MTR: variants seen among roughly 807,000 people sequenced by gnomAD.
The protein encoded by MTR is methionine synthase.
In MTR, 84 loss-of-function variants were observed where a neutral mutation model predicts 154.8. The observed-to-expected ratio is 0.54, with a 90% CI of 0.45 to 0.65. The LOEUF (loss-of-function observed/expected upper bound fraction) is 0.65. Ranked by LOEUF, MTR falls within the 30% of genes least tolerant of loss-of-function variation. The pLI is 0.00. For missense variants in MTR, 1,275 were observed against 1,570.2 expected (o/e 0.81, Z 3.18); for synonymous variants, 554 against 553.9 (o/e 1.00, Z 0.00).
chr1:236,853,311 T>C (rs1664027105), intron 18 of MTR, among the ~76,000 whole-genome samples: 1 of 152,228 alleles, frequency 6.6e-6, no homozygotes, highest in Non-Finnish European at 1.5e-5. Context: ...CTTAGGTTTC[T>C]TTAAATTTAT....
At chr1:236,824,938 T>C (rs537426489) in intron 9 of MTR, among the ~76,000 whole-genome samples, 1 of 152,282 alleles carries the variant, frequency 6.6e-6, no homozygotes, top group South Asian at 2.1e-4. Context: ...TGATTTTTGT[T>C]TGTTTTTAAT....
rs146841812 is a variant in MTR, at chr1:236,815,299, C to T, written c.610-305C>T. On this transcript the variant is annotated intron_variant, in intron 6 of 32. Transcript: ENST00000366577. ...TCCTGTCTCAGCCTCCTGAGTGTTACTTATTTATTTTTAATTTTTATTGAA... is the reference window on the plus strand; with the variant it reads ...TCCTGTCTCAGCCTCCTGAGTGTTATTTATTTATTTTTAATTTTTATTGAA... Among the ~76,000 whole-genome samples the T allele has an allele frequency of 1.5e-3, 224 of 152,220 alleles. 1 individual carries two copies. Among genetic ancestry groups the T allele is most frequent in the African/African-American group, 4.8e-3 (201 of 41,544 alleles).
chr1:236,874,913 G>T, intron 24 of MTR, 67 bp downstream of exon 24: 2 of 1,553,082 alleles, frequency 1.3e-6, no homozygotes, highest in East Asian at 4.6e-5. Context: ...TGAAACAGTG[G>T]GAAACCTGTG....
At chr1:236,802,277 AG>A (rs1022674586) in intron 1 of MTR, among the ~76,000 whole-genome samples, 2 of 152,120 alleles carry the variant, frequency 1.3e-5, no homozygotes, top group Non-Finnish European at 2.9e-5. Flanking sequence ...TATTAGATTG[AG>A]GGGCAGGTGG....
chr1:236,897,312 A>ATGCGCGCG (rs1553331097), intron 32 of MTR, among the ~76,000 whole-genome samples, 194 bp downstream of exon 32: 2 of 66,180 alleles, frequency 3.0e-5, no homozygotes, highest in African/African-American at 1.0e-4. Context: ...ACACACACGC[A>ATGCGCGCG]CACACACACA....
chr1:236,832,856 C>A (rs1662691910), intron 13 of MTR, among the ~76,000 whole-genome samples: 1 of 152,122 alleles, frequency 6.6e-6, no homozygotes, highest in Non-Finnish European at 1.5e-5. Context: ...TGATGGCATC[C>A]CTGGAGGCGT....
rs542021938 is a variant in MTR, at chr1:236,853,306, G to T, written c.1953+218G>T. On this transcript the variant is annotated intron_variant, in intron 18 of 32. Transcript: ENST00000366577. ...GGGTGCTTCCGTATTCTGAACTTAG[G>T]TTTCTTTAAATTTATTGTAAAATGT... Among the ~76,000 whole-genome samples, 9 of 152,186 alleles carry T rather than the reference G, an allele frequency of 5.9e-5. No individual in the cohort carries two copies. The East Asian group carries it at 1.4e-3, about 23-fold the overall frequency.
At chr1:236,827,011 A>C in intron 11 of MTR, 115 bp downstream of exon 11, 6 of 915,962 alleles carry the variant, frequency 6.6e-6, no homozygotes, top group Non-Finnish European at 1.0e-5. Flanking sequence ...TGTATGTTGA[A>C]GTTCTAACCC....
intron 1 of MTR, among the ~76,000 whole-genome samples, chr1:236,800,783 G>GTC (rs1324069142): frequency 5.3e-5 from 8 of 152,172 alleles, no homozygotes; most frequent in Non-Finnish European, 1.0e-4. Context: ...AAACACCAAT[G>GTC]TCTCATTTCA....
In MTR at chr1:236,897,171, G is replaced by C. The variant is rs1666670698; in HGVS notation, c.3711+53G>C. ...CTTGCCTAGTTCAAATGAAATTCTA[G>C]AACCTCTCTCATTTTAAATGTGAAT... On this transcript the variant is annotated intron_variant, in intron 32 of 32. Coordinates refer to ENST00000366577, the MANE Select transcript of MTR (RefSeq NM_000254.3). The C allele has an allele frequency of 5.4e-6, 7 of 1,299,782 alleles. No homozygotes were observed. In the Admixed American group the frequency reaches 1.2e-4, roughly 22 times the overall value. The allele number at this position is 1,299,782 out of a possible 1,614,324, so 80.5% of individuals were successfully genotyped here.
intron 5 of MTR, among the ~76,000 whole-genome samples, chr1:236,811,136 A>G (rs1661278703): frequency 1.3e-5 from 2 of 152,198 alleles, no homozygotes; most frequent in African/African-American, 4.8e-5. Context: ...TCTTACACGG[A>G]TGGTAGCAGG....
intron 15 of MTR, among the ~76,000 whole-genome samples, chr1:236,841,461 C>T (rs957504813): frequency 6.6e-6 from 1 of 152,164 alleles, no homozygotes; most frequent in African/African-American, 2.4e-5. Context: ...TCCAATGTAG[C>T]CAGACACATT....
chr1:236,803,542 A>G lies in MTR; in HGVS notation c.149A>G (p.His50Arg), dbSNP rs749273555. ...CAGCGGGAGAAGCTAAACGAAGAACACTTCCGAGGTCAGGAATTTAAAGAT... is the reference window on the plus strand; with the variant it reads ...CAGCGGGAGAAGCTAAACGAAGAACGCTTCCGAGGTCAGGAATTTAAAGAT... ...MIQREKLNEE[H>R]FRGQEFKDHA... Residue 50 changes from histidine to arginine, a missense_variant, in exon 2 of 33, where the codon CAC (histidine) becomes CGC (arginine). Coordinates refer to ENST00000366577, the MANE Select transcript of MTR (RefSeq NM_000254.3). 10 of 1,614,220 alleles carry G rather than the reference A, an allele frequency of 6.2e-6. No individual in the cohort carries two copies. Among genetic ancestry groups the G allele is most frequent in the Non-Finnish European group, 8.5e-6 (10 of 1,180,032 alleles).
rs990730263 is a variant in MTR, at chr1:236,899,803, A to G, written c.*2159A>G. 2.6e-5 allele frequency: 4 copies of G among 152,416 alleles called. No homozygotes were observed. Among genetic ancestry groups the G allele is most frequent in the Non-Finnish European group, 5.9e-5 (4 of 68,166 alleles). 9.4% of individuals were successfully genotyped at this position (152,416 alleles called of 1,614,324 possible). A position where few individuals can be genotyped will look rare whatever the true frequency, so the allele number is the denominator to read the frequency against. The stretch of plus-strand genomic sequence containing the variant: ...AAAAAATAGAAAAATAGTGAAGACT[A>G]CACAAGAGGAAATAGGGCTTTTAAA... On this transcript the variant is annotated 3_prime_UTR_variant, in exon 33 of 33. Coordinates refer to ENST00000366577, the MANE Select transcript of MTR (RefSeq NM_000254.3).
In MTR at chr1:236,795,317, C is replaced by G; in HGVS notation, c.-387C>G. 1 of 1,261,998 alleles carries G rather than the reference C, an allele frequency of 7.9e-7. No homozygotes were observed. Among genetic ancestry groups the G allele is most frequent in the Non-Finnish European group, 1.0e-6 (1 of 978,182 alleles). The allele number at this position is 1,261,998 out of a possible 1,614,324, so 78.2% of individuals were successfully genotyped here. ...AGAACTAACCGCGCTCTGAAAGGTT[C>G]TAAATGTCTGCGGGGCTCAGAGCCG... On this transcript the variant is annotated 5_prime_UTR_variant, in exon 1 of 33. Transcript: ENST00000366577.
chr1:236,843,525 A>G (rs550924100), intron 15 of MTR, among the ~76,000 whole-genome samples: 3 of 152,364 alleles, frequency 2.0e-5, no homozygotes, highest in African/African-American at 7.2e-5. Flanking sequence ...AGGAGCGAAT[A>G]TGATCTGACT....
chr1:236,884,160 G>A (rs959538688), intron 25 of MTR, among the ~76,000 whole-genome samples: 15 of 152,136 alleles, frequency 9.9e-5, no homozygotes, highest in African/African-American at 3.4e-4. Context: ...AAAGTCAGTG[G>A]ACTATGAAGA....
intron 8 of MTR, among the ~76,000 whole-genome samples, chr1:236,823,796 CTTTTTTTT>C (rs59710180): frequency 3.8e-4 from 7 of 18,436 alleles, no homozygotes; most frequent in African/African-American, 1.8e-3. Flanking sequence ...CAGGTCAGAT[CTTTTTTTT>C]TTTTTTTTTT....
intron 15 of MTR, among the ~76,000 whole-genome samples, chr1:236,843,636 G>T (rs1663393338): frequency 6.6e-6 from 1 of 152,196 alleles, no homozygotes; most frequent in South Asian, 2.1e-4. Context: ...TATGGTGATG[G>T]TTAGGGCCAT....
Sources: gnomAD v4.1 joint callset for allele counts (sites outside exome capture counted in the v4.1 genomes callset) on GRCh38, gnomAD v4.1.1 for gene constraint, MANE v1.5 for transcripts, NCBI Gene and HGNC (gene_info 2026-07-23, HGNC 2026-07-21) for gene names.